The following KRIT1 variants were observed in gnomAD, a reference collection of about 807,000 sequenced individuals.
KRIT1 encodes the protein krev interaction trapped protein 1.
Under a neutral mutation model 95.8 loss-of-function variants are expected in KRIT1, and 45 were observed. That is an observed-to-expected ratio of 0.47 (90% CI 0.37 to 0.60). The LOEUF is 0.60. KRIT1 is among the 20% of genes least tolerant of loss of function. The probability of loss-of-function intolerance (pLI) is 0.00; values close to 1 mark genes in which losing one functional copy is unlikely to be tolerated. For synonymous variants in KRIT1, 282 were observed against 278.8 expected (o/e 1.01, Z -0.11); for missense variants, 788 against 877.5 (o/e 0.90, Z 1.29).
At position 92,241,126 on chromosome 7, in the gene KRIT1, T is replaced by C; in HGVS notation, c.129A>G (p.Glu43=). ...CTTTCTTTCTCTTTTTTTTCTGTCC[T>C]TCAATGGGAACTTCATGCAACAAAA... ...YEILLHEVPI[E]GQKKKRKKVL... Residue 43 remains glutamate, a synonymous_variant, in exon 5 of 19, where the codon GAA becomes GAG. Transcript: ENST00000394505. 1 of 1,610,760 alleles carries C rather than the reference T, an allele frequency of 6.2e-7. No homozygotes were observed. The highest frequency in any genetic ancestry group is 8.5e-7 in the Non-Finnish European group (1 of 1,177,148).
At chr7:92,205,301 A>C (rs1322713206) in intron 17 of KRIT1, among the ~76,000 whole-genome samples, 1 of 152,092 alleles carries the variant, frequency 6.6e-6, no homozygotes, top group Non-Finnish European at 1.5e-5. Context: ...AGCCAAGATC[A>C]CGCCATTGCA....
intron 17 of KRIT1, among the ~76,000 whole-genome samples, chr7:92,211,432 T>C (rs1469528494): frequency 2.0e-5 from 3 of 152,182 alleles, no homozygotes; most frequent in Non-Finnish European, 4.4e-5. Context: ...GAAAGTCAAA[T>C]ACCCTATGTT....
Position 92,222,900 on chromosome 7 carries a change from G to T in KRIT1, c.1333C>A (p.Gln445Lys). Residue 445 changes from glutamine (Q) to lysine (K), a missense_variant, in exon 13 of 19, where the codon CAG becomes AAG. This residue lies in a region of KRIT1 where 493 missense variants were observed against 582.3 expected (regional missense o/e 0.85). Transcript: ENST00000394505. ...AGACGCATTCCTTCCATTATCTGCT[G>T]CACTGTGGTATTATTTCCATGCTTC... ...ELKHGNNTTV[Q>K]QIMEGMRLSQ... is the part of the protein sequence containing the mutation. The T allele has an allele frequency of 1.9e-6, 3 of 1,599,944 alleles. No homozygotes were observed. The highest frequency in any genetic ancestry group is 2.6e-6 in the Non-Finnish European group (3 of 1,167,230).
intron 5 of KRIT1, among the ~76,000 whole-genome samples, chr7:92,238,312 C>A (rs967111206): frequency 3.9e-5 from 6 of 152,118 alleles, no homozygotes; most frequent in African/African-American, 1.4e-4. Context: ...GTCTTGTATT[C>A]TAAAACCCCT....
At chr7:92,225,458 C>T (rs1206253391) in intron 12 of KRIT1, among the ~76,000 whole-genome samples, 3 of 152,070 alleles carry the variant, frequency 2.0e-5, no homozygotes, top group South Asian at 4.2e-4. Context: ...CAGGTGCACG[C>T]CACCATGCCC....
At chr7:92,221,770 C>A in intron 14 of KRIT1, 132 bp downstream of exon 14, 1 of 748,966 alleles carries the variant, frequency 1.3e-6, no homozygotes, top group Non-Finnish European at 2.2e-6. Flanking sequence ...TCAACTGAAA[C>A]TCCGCCAATT....
intron 10 of KRIT1, among the ~76,000 whole-genome samples, chr7:92,226,951 C>T (rs950737376): frequency 1.3e-5 from 2 of 152,048 alleles, no homozygotes; most frequent in Non-Finnish European, 2.9e-5. Context: ...ATAGAGCAGA[C>T]GACAGAGAAA....
chr7:92,245,956 G>A (rs752125318), upstream of KRIT1: 10 of 245,796 alleles, frequency 4.1e-5, no homozygotes, highest in Non-Finnish European at 8.0e-5. Context: ...CCTCGCGGTT[G>A]GCGGTGAAAG....
At chr7:92,201,047 T>G (rs1416027147) in intron 18 of KRIT1, among the ~76,000 whole-genome samples, 1 of 152,010 alleles carries the variant, frequency 6.6e-6, no homozygotes, top group Non-Finnish European at 1.5e-5. Context: ...ACCTAATAAC[T>G]TGATAGATGA....
At chr7:92,238,939 A>C (rs1444944016) in intron 5 of KRIT1, among the ~76,000 whole-genome samples, 1 of 152,232 alleles carries the variant, frequency 6.6e-6, no homozygotes, top group Non-Finnish European at 1.5e-5. Flanking sequence ...AATGACATAC[A>C]GCACAGTACA....
chr7:92,235,330 T>C, intron 8 of KRIT1, 73 bp downstream of exon 8: 2 of 1,435,274 alleles, frequency 1.4e-6, no homozygotes, highest in Non-Finnish European at 9.8e-7. Flanking sequence ...TAGATGTATA[T>C]ATCTCAGGAA....
chr7:92,205,373 T>C (rs139377633), intron 17 of KRIT1, among the ~76,000 whole-genome samples: 1 of 151,786 alleles, frequency 6.6e-6, no homozygotes, highest in East Asian at 1.9e-4. Context: ...AAAAGACACA[T>C]AAAAATGAGG....
At chr7:92,202,165 T>C (rs1486197014) in intron 17 of KRIT1, 2 of 152,222 alleles carry the variant, frequency 1.3e-5, no homozygotes, top group Non-Finnish European at 2.9e-5. Flanking sequence ...ATAAGTACAC[T>C]GATATATTTA....
intron 14 of KRIT1, among the ~76,000 whole-genome samples, chr7:92,217,201 G>A (rs771653697): frequency 1.3e-5 from 2 of 152,192 alleles, no homozygotes; most frequent in Non-Finnish European, 2.9e-5. Flanking sequence ...CTTGGGAGGA[G>A]AAGGCAGACT....
At chr7:92,241,910 G>T in intron 4 of KRIT1, 124 bp downstream of exon 4, 1 of 634,154 alleles carries the variant, frequency 1.6e-6, no homozygotes, top group South Asian at 2.0e-5. Context: ...CAAAATAATG[G>T]GCAGAGACCT....
At chr7:92,244,732 G>C (rs982733821) in intron 2 of KRIT1, among the ~76,000 whole-genome samples, 170 bp downstream of exon 2, 4 of 152,222 alleles carry the variant, frequency 2.6e-5, no homozygotes, top group African/African-American at 7.2e-5. Flanking sequence ...TGTTTAGACT[G>C]AGTCTGAGAT....
intron 10 of KRIT1, among the ~76,000 whole-genome samples, chr7:92,231,104 T>C (rs1045973419): frequency 4.6e-5 from 7 of 152,114 alleles, no homozygotes; most frequent in East Asian, 3.9e-4. Context: ...TGATTCAAAA[T>C]AGAGGGTCTG....
At chr7:92,233,170 ACAC>A (rs1409477571) in intron 10 of KRIT1, among the ~76,000 whole-genome samples, 3 of 65,602 alleles carry the variant, frequency 4.6e-5, no homozygotes, top group Admixed American at 1.5e-4. Context: ...ATACACACAC[ACAC>A]ACACACACAC....
At chr7:92,231,630 T>C (rs905462258) in intron 10 of KRIT1, among the ~76,000 whole-genome samples, 1 of 152,206 alleles carries the variant, frequency 6.6e-6, no homozygotes, top group Non-Finnish European at 1.5e-5. Context: ...CCTCGGTCTT[T>C]GTACCAATTA....
Sources: allele counts gnomAD v4.1 joint callset (sites outside exome capture counted in the v4.1 genomes callset), GRCh38; gene constraint gnomAD v4.1.1; regional missense constraint gnomAD v4.1.1; transcripts MANE v1.5; gene names NCBI Gene and HGNC (gene_info 2026-07-23, HGNC 2026-07-21).